Variants in STEAP1B observed in about 807,000 individuals in gnomAD.
STEAP1B encodes STEAP family member 1B, also known as STEAP family protein MGC87042.
Under a neutral mutation model 27.9 loss-of-function variants are expected in STEAP1B, and 13 were observed. The observed-to-expected ratio is 0.47, with a 90% CI of 0.30 to 0.74. The LOEUF is 0.74. Among genes scored for constraint, STEAP1B ranks in the 30% least tolerant of loss-of-function variants. The pLI is 0.06. For missense variants in STEAP1B, 250 were observed against 298.7 expected (o/e 0.84, Z 1.20); for synonymous variants, 86 against 107.1 (o/e 0.80, Z 1.22).
intron 4 of STEAP1B, among the ~76,000 whole-genome samples, chr7:22,483,334 G>C (rs999748397): frequency 2.6e-5 from 4 of 152,134 alleles, no homozygotes; most frequent in Non-Finnish European, 5.9e-5. Context: ...ATGGATGAGG[G>C]GTACAGGCAT....
chr7:22,449,248 T>C (rs1785450696), intron 4 of STEAP1B, among the ~76,000 whole-genome samples: 1 of 152,186 alleles, frequency 6.6e-6, no homozygotes, highest in Non-Finnish European at 1.5e-5. Context: ...CTTTCTATTT[T>C]TATTGTACCC....
intron 4 of STEAP1B, among the ~76,000 whole-genome samples, chr7:22,468,376 C>A (rs935202024): frequency 6.6e-6 from 1 of 151,892 alleles, no homozygotes; most frequent in African/African-American, 2.4e-5. Context: ...GTAGTTTTCC[C>A]AAAAAATCTG....
At chr7:22,431,955 C>G (rs1038235185) in intron 4 of STEAP1B, among the ~76,000 whole-genome samples, 3 of 152,196 alleles carry the variant, frequency 2.0e-5, no homozygotes, top group Non-Finnish European at 4.4e-5. Flanking sequence ...CTTGCTGGTC[C>G]TTGCTATGGT....
At position 22,433,638 on chromosome 7, in the gene STEAP1B, G is replaced by C. The variant is rs567753104; in HGVS notation, c.763-13802C>G. ...CTGCCACATAGGAGAACTTCTATTGGGCAGGAAAGATTGCAAAGTATACCT... is the reference window on the plus strand; with the variant it reads ...CTGCCACATAGGAGAACTTCTATTGCGCAGGAAAGATTGCAAAGTATACCT... On this transcript the variant is annotated intron_variant, in intron 4 of 4. Coordinates refer to ENST00000678116, the MANE Select transcript of STEAP1B (RefSeq NM_001382447.1). Among the ~76,000 whole-genome samples the C allele has an allele frequency of 2.0e-5, 3 of 152,254 alleles. No individual in the cohort carries two copies. The South Asian group carries it at 6.2e-4, about 32-fold the overall frequency.
intron 4 of STEAP1B, among the ~76,000 whole-genome samples, chr7:22,468,551 A>G: frequency 6.6e-6 from 1 of 152,282 alleles, no homozygotes; most frequent in African/African-American, 2.4e-5. Flanking sequence ...ACCTATCAAA[A>G]CACTTTTGGA....
At chr7:22,482,463 G>A (rs757321225) in intron 4 of STEAP1B, among the ~76,000 whole-genome samples, 7 of 152,152 alleles carry the variant, frequency 4.6e-5, no homozygotes, top group Non-Finnish European at 7.3e-5. Context: ...GCTAAGTCTG[G>A]TAGCCCTGGG....
chr7:22,487,467 T>C (rs968293302), intron 4 of STEAP1B, among the ~76,000 whole-genome samples: 14 of 149,502 alleles, frequency 9.4e-5, no homozygotes, highest in Non-Finnish European at 7.4e-5. Context: ...AGTATTTGTT[T>C]GAAAAAAAAA....
chr7:22,496,974 T>C (rs1786453199), intron 1 of STEAP1B, among the ~76,000 whole-genome samples: 1 of 152,252 alleles, frequency 6.6e-6, no homozygotes, highest in Admixed American at 6.5e-5. Flanking sequence ...ACATTCATGA[T>C]GAAGATATCT....
chr7:22,490,587 T>C (rs1250543747), intron 4 of STEAP1B, among the ~76,000 whole-genome samples: 1 of 152,350 alleles, frequency 6.6e-6, no homozygotes, highest in African/African-American at 2.4e-5. Flanking sequence ...CTTTCTAGGG[T>C]AACTTCTGGA....
chr7:22,488,454 G>A (rs574919294), intron 4 of STEAP1B, among the ~76,000 whole-genome samples: 259 of 152,328 alleles, frequency 1.7e-3, no homozygotes, highest in Non-Finnish European at 2.9e-3. Flanking sequence ...GAGGCTGAGT[G>A]CCCAGGGACA....
chr7:22,421,470 G>C (rs1243699801), intron 4 of STEAP1B, among the ~76,000 whole-genome samples: 1 of 152,242 alleles, frequency 6.6e-6, no homozygotes, highest in African/African-American at 2.4e-5. Context: ...CACACAGCAT[G>C]TCAAGGAGTT....
intron 4 of STEAP1B, among the ~76,000 whole-genome samples, chr7:22,453,414 G>A (rs35716851): frequency 0.99 from 151,031 of 152,310 alleles, 74,903 homozygotes; most frequent in East Asian, 1. Flanking sequence ...AGACCCCTTT[G>A]CAGTCATTGG....
At chr7:22,492,809 C>T (rs1786354498) in intron 3 of STEAP1B, 80 bp from the exon 4 acceptor site, 3 of 1,506,826 alleles carry the variant, frequency 2.0e-6, no homozygotes, top group Non-Finnish European at 2.6e-6. Context: ...ACACTCTTCC[C>T]TGTGTGTACT....
chr7:22,460,647 A>G (rs527653792), intron 4 of STEAP1B, among the ~76,000 whole-genome samples: 2 of 152,214 alleles, frequency 1.3e-5, no homozygotes, highest in South Asian at 4.1e-4. Context: ...ATTTGAGACC[A>G]CTGCAGAAAG....
chr7:22,436,592 G>A (rs993286736), intron 4 of STEAP1B, among the ~76,000 whole-genome samples: 12 of 140,142 alleles, frequency 8.6e-5, no homozygotes, highest in African/African-American at 2.5e-4. Context: ...TCCCCTCCTC[G>A]TGTCCATGTG....
chr7:22,452,234 A>G (rs1338162485), intron 4 of STEAP1B, among the ~76,000 whole-genome samples: 1 of 152,230 alleles, frequency 6.6e-6, no homozygotes, highest in African/African-American at 2.4e-5. Context: ...ACTGCAGGAA[A>G]GAAGAAACAG....
At chr7:22,438,780 A>G in intron 4 of STEAP1B, 1 of 1,537,628 alleles carries the variant, frequency 6.5e-7, no homozygotes, top group Non-Finnish European at 8.8e-7. Flanking sequence ...GAAATGATAC[A>G]TTTGGTGCCT....
At chr7:22,462,093 CTTA>C (rs1283086894) in intron 4 of STEAP1B, among the ~76,000 whole-genome samples, 1 of 152,124 alleles carries the variant, frequency 6.6e-6, no homozygotes, top group African/African-American at 2.4e-5. Flanking sequence ...ATCATTTATA[CTTA>C]TTATGATTTT....
At chr7:22,465,827 C>T (rs928315016) in intron 4 of STEAP1B, among the ~76,000 whole-genome samples, 5 of 152,164 alleles carry the variant, frequency 3.3e-5, no homozygotes, top group African/African-American at 9.7e-5. Flanking sequence ...GATGAGATAA[C>T]CGCATGGCCT....
Sources: gnomAD v4.1 joint callset for allele counts (sites outside exome capture counted in the v4.1 genomes callset) on GRCh38, gnomAD v4.1.1 for gene constraint, MANE v1.5 for transcripts, NCBI Gene and HGNC (gene_info 2026-07-23, HGNC 2026-07-21) for gene names.